Variants in KDM7A observed in about 807,000 individuals in gnomAD.
The protein encoded by KDM7A is lysine-specific demethylase 7A.
KDM7A carries 28 observed loss-of-function variants against 114.8 expected under a neutral mutation model. That is an observed-to-expected ratio of 0.24 (90% confidence interval 0.18 to 0.33). The LOEUF (loss-of-function observed/expected upper bound fraction) is 0.33, where lower values mean the gene tolerates loss of function less well. Ranked by LOEUF, KDM7A falls within the 10% of genes least tolerant of loss-of-function variation. KDM7A has a pLI of 1.00. For missense variants in KDM7A, 942 were observed against 1,142.5 expected (o/e 0.82, Z 2.53); for synonymous variants, 423 against 397.8 (o/e 1.06, Z -0.75).
intron 1 of KDM7A, among the ~76,000 whole-genome samples, chr7:140,167,445 C>T (rs985167487): frequency 1.6e-4 from 25 of 151,922 alleles, no homozygotes; most frequent in African/African-American, 5.1e-4. Context: ...TGAAACAGAC[C>T]CAAGTATATA....
In KDM7A at chr7:140,092,675, G is replaced by A. The variant is rs542671618; in HGVS notation, c.2458-598C>T. On this transcript the variant is annotated intron_variant, in intron 18 of 19. Coordinates refer to ENST00000397560, the MANE Select transcript of KDM7A (RefSeq NM_030647.2). The stretch of plus-strand genomic sequence containing the variant: ...AGGGTTATAACCAGCACTAAAAAGA[G>A]AAAGGAACAGACTAGATGTGAACAG... Among the ~76,000 whole-genome samples the A allele has an allele frequency of 5.2e-3, 793 of 152,286 alleles. 4 individuals carry two copies. The highest frequency in any genetic ancestry group is 9.2e-3 in the Non-Finnish European group (629 of 68,024).
chr7:140,102,266 T>A, intron 11 of KDM7A, 106 bp from the exon 12 acceptor site: 2 of 828,244 alleles, frequency 2.4e-6, no homozygotes, highest in African/African-American at 1.7e-5. Context: ...CCATTCAGTT[T>A]AACCATATAA....
At chr7:140,145,191 C>T (rs1794327395) in intron 1 of KDM7A, among the ~76,000 whole-genome samples, 1 of 152,032 alleles carries the variant, frequency 6.6e-6, no homozygotes, top group Non-Finnish European at 1.5e-5. Flanking sequence ...GGTGCAGACC[C>T]AGAGCAGGAA....
chr7:140,108,266 G>A (rs1305247104), intron 11 of KDM7A, among the ~76,000 whole-genome samples: 1 of 152,066 alleles, frequency 6.6e-6, no homozygotes, highest in Non-Finnish European at 1.5e-5. Flanking sequence ...ATCTTCTGAG[G>A]CCTACTTCTG....
chr7:140,107,126 T>C (rs1471653765), intron 11 of KDM7A, among the ~76,000 whole-genome samples: 2 of 152,200 alleles, frequency 1.3e-5, no homozygotes, highest in East Asian at 1.9e-4. Context: ...ACTTGCTTGG[T>C]AGATCTTCCT....
intron 1 of KDM7A, among the ~76,000 whole-genome samples, chr7:140,162,451 T>C (rs999435094): frequency 6.6e-6 from 1 of 152,202 alleles, no homozygotes; most frequent in South Asian, 2.1e-4. Context: ...AGGAAGAATA[T>C]GTTAACAAAA....
rs558680251 is a variant in KDM7A, at chr7:140,100,554, A to C, written c.1639-531T>G. On this transcript the variant is annotated intron_variant, in intron 12 of 19. Coordinates refer to ENST00000397560, the MANE Select transcript of KDM7A (RefSeq NM_030647.2). ...TCATAGTGATTTTCCCCTTAATAATAAATAGAACCTTTCATAATAAGCTTA... is the reference window on the plus strand; with the variant it reads ...TCATAGTGATTTTCCCCTTAATAATCAATAGAACCTTTCATAATAAGCTTA... Among the ~76,000 whole-genome samples the C allele has an allele frequency of 1.9e-4, 28 of 149,702 alleles. No individual in the cohort carries two copies. The South Asian group carries it at 4.1e-3, about 22-fold the overall frequency.
At chr7:140,150,200 A>C (rs942105956) in intron 1 of KDM7A, among the ~76,000 whole-genome samples, 3 of 152,312 alleles carry the variant, frequency 2.0e-5, no homozygotes, top group African/African-American at 7.2e-5. Flanking sequence ...CTCATCAATA[A>C]AGAAATATAT....
intron 17 of KDM7A, chr7:140,094,598 AC>A (rs780146363): frequency 1.7e-4 from 27 of 155,678 alleles, no homozygotes; most frequent in Non-Finnish European, 2.9e-4. Context: ...CTTTACCTTC[AC>A]TATATGCCTT....
chr7:140,165,467 T>C (rs1032901284), intron 1 of KDM7A, among the ~76,000 whole-genome samples: 9 of 152,326 alleles, frequency 5.9e-5, no homozygotes, highest in African/African-American at 2.2e-4. Context: ...CCTCCTTATT[T>C]GTGGTTTCAC....
At chr7:140,168,391 C>T (rs1794601440) in intron 1 of KDM7A, among the ~76,000 whole-genome samples, 1 of 152,050 alleles carries the variant, frequency 6.6e-6, no homozygotes, top group South Asian at 2.1e-4. Flanking sequence ...CATGGTGAAA[C>T]TCTGTTTCTA....
intron 1 of KDM7A, among the ~76,000 whole-genome samples, chr7:140,172,002 A>C (rs1288437215): frequency 6.6e-6 from 1 of 152,308 alleles, no homozygotes; most frequent in African/African-American, 2.4e-5. Context: ...TTTGGTGGTA[A>C]TACTGACTTA....
intron 1 of KDM7A, among the ~76,000 whole-genome samples, chr7:140,158,230 G>C (rs1390885592): frequency 1.3e-5 from 2 of 152,232 alleles, no homozygotes; most frequent in East Asian, 3.9e-4. Flanking sequence ...TTTAAGTATT[G>C]ACTTACAACT....
At chr7:140,150,494 T>C (rs760832726) in intron 1 of KDM7A, among the ~76,000 whole-genome samples, 7 of 152,164 alleles carry the variant, frequency 4.6e-5, no homozygotes, top group Non-Finnish European at 8.8e-5. Context: ...TAAGTAGGAA[T>C]ATGGAAAGAT....
In KDM7A at chr7:140,097,065, T is replaced by A; in HGVS notation, c.2017-18A>T. 1 of 1,597,592 alleles carries A rather than the reference T, an allele frequency of 6.3e-7. No individual in the cohort carries two copies. The highest frequency in any genetic ancestry group is 1.3e-5 in the African/African-American group (1 of 74,370). On this transcript the variant is annotated intron_variant, in intron 15 of 19. Coordinates refer to ENST00000397560, the MANE Select transcript of KDM7A (RefSeq NM_030647.2). ...ATACTTTTCTGAGATGATAATTACA[T>A]GGAAACAAAGCTACATAAGAAATTG...
intron 12 of KDM7A, among the ~76,000 whole-genome samples, chr7:140,100,731 TATATATATATACA>T (rs1818206993): frequency 6.0e-5 from 3 of 49,980 alleles, no homozygotes; most frequent in African/African-American, 2.2e-4. Flanking sequence ...TATATATATA[TATATATATATACA>T]TATATATTTT....
chr7:140,118,039 TTTC>T (rs1413565569), intron 9 of KDM7A, among the ~76,000 whole-genome samples: 3 of 152,248 alleles, frequency 2.0e-5, no homozygotes, highest in African/African-American at 7.2e-5. Context: ...TTTTTGGTTA[TTTC>T]TTTTCATTTT....
At position 140,102,117 on chromosome 7, in the gene KDM7A, A is replaced by G. The variant is rs551856442; in HGVS notation, c.1472T>C (p.Val491Ala). Residue 491 changes from valine (V) to alanine (A), a missense_variant, in exon 12 of 20, where the codon GTG (valine) becomes GCG (alanine). Transcript: ENST00000397560. ...ATTTGAGGATCGTGAAACTGGACACACAATAGGAATTCCCTGAGATTTAAC... is the reference window on the plus strand; with the variant it reads ...ATTTGAGGATCGTGAAACTGGACACGCAATAGGAATTCCCTGAGATTTAAC... ...KPVKSQGIPI[V>A]CPVSRSSNEA... 1.4e-4 allele frequency: 230 copies of G among 1,614,098 alleles called. 1 individual carries two copies. The South Asian group carries it at 2.0e-3, about 14-fold the overall frequency.
At chr7:140,175,684 G>A (rs2116867392) in intron 1 of KDM7A, among the ~76,000 whole-genome samples, 1 of 152,288 alleles carries the variant, frequency 6.6e-6, no homozygotes, top group African/African-American at 2.4e-5. Flanking sequence ...ACGAGTCGGC[G>A]GCCTGGCTGC....
Sources: gnomAD v4.1 joint callset for allele counts (sites outside exome capture counted in the v4.1 genomes callset) on GRCh38, gnomAD v4.1.1 for gene constraint, MANE v1.5 for transcripts, NCBI Gene and HGNC (gene_info 2026-07-23, HGNC 2026-07-21) for gene names.